Variants in SLC44A4 observed in about 807,000 individuals in gnomAD.
SLC44A4 encodes the protein choline transporter-like protein 4.
In SLC44A4, 74 loss-of-function variants were observed where a neutral mutation model predicts 97.0. That is an observed-to-expected ratio of 0.76 (90% CI 0.63 to 0.93). SLC44A4 has a LOEUF of 0.93. Among genes scored for constraint, SLC44A4 ranks in the 40% least tolerant of loss-of-function variants. The probability of loss-of-function intolerance (pLI) is 0.00; values close to 1 mark genes in which losing one functional copy is unlikely to be tolerated. For synonymous variants in SLC44A4, 325 were observed against 363.8 expected, an observed-to-expected ratio of 0.89 and a Z score of 1.21; for missense variants, 799 against 902.9, an observed-to-expected ratio of 0.88 and a Z score of 1.48.
chr6:31,875,079 G>T, intron 4 of SLC44A4, 51 bp from the exon 5 acceptor site: 1 of 1,456,496 alleles, frequency 6.9e-7, no homozygotes, highest in East Asian at 2.3e-5. Context: ...GGTGTTGGGG[G>T]AGGGGAGGGA....
intron 9 of SLC44A4, 115 bp from the exon 10 acceptor site, chr6:31,871,162 T>C: frequency 7.9e-7 from 1 of 1,267,630 alleles, no homozygotes; most frequent in Non-Finnish European, 1.1e-6. Context: ...TAGGCCTCTT[T>C]CCCTTATAAA....
chr6:31,866,196 T>C, intron 13 of SLC44A4, 70 bp from the exon 14 acceptor site: 1 of 1,558,480 alleles, frequency 6.4e-7, no homozygotes, highest in Non-Finnish European at 8.7e-7. Context: ...GGGCGTCCCA[T>C]TCCCAGTAGC....
At chr6:31,866,515 GTTC>G (rs978516194) in intron 13 of SLC44A4, among the ~76,000 whole-genome samples, 7 of 152,176 alleles carry the variant, frequency 4.6e-5, no homozygotes, top group African/African-American at 1.7e-4. Flanking sequence ...CTTTTAAACA[GTTC>G]TTATCTGTTG....
chr6:31,873,259 T>A (rs574307841), intron 7 of SLC44A4, among the ~76,000 whole-genome samples: 1 of 151,590 alleles, frequency 6.6e-6, no homozygotes, highest in Non-Finnish European at 1.5e-5. Flanking sequence ...CAAAGCTCAC[T>A]GCAACCTCTG....
At chr6:31,872,884 A>AT (rs1562453675) in intron 7 of SLC44A4, among the ~76,000 whole-genome samples, 5 of 135,206 alleles carry the variant, frequency 3.7e-5, no homozygotes, top group African/African-American at 1.1e-4. Context: ...TAAATTGTCT[A>AT]ATTTTTTTTT....
In SLC44A4 at chr6:31,863,531, CTTT is replaced by C. The variant is rs550919132; in HGVS notation, c.*93_*95del. 1 of 1,494,500 alleles carries C rather than the reference CTTT, an allele frequency of 6.7e-7. No individual in the cohort carries two copies. The highest frequency in any genetic ancestry group is 1.4e-5 in the African/African-American group (1 of 69,788). The allele number at this position is 1,494,500 out of a possible 1,614,324, so 92.6% of individuals were successfully genotyped here. On this transcript the variant is annotated 3_prime_UTR_variant, in exon 21 of 21. Transcript: ENST00000229729. ...TGAGCCACGGCGCCTGGCCTAAAAC[CTTT>C]TTTTACCACAAAATGGAGACCTGTA...
rs372243347 is a variant in SLC44A4, at chr6:31,868,181, C to T, written c.1233+974G>A. Among the ~76,000 whole-genome samples, 75 of 152,216 alleles carry T rather than the reference C, an allele frequency of 4.9e-4. 2 individuals carry two copies. The South Asian group carries it at 0.013, about 26-fold the overall frequency. On this transcript the variant is annotated intron_variant, in intron 13 of 20. Transcript: ENST00000229729. ...GCACAGCTCATGTTCCCAGCTCAGA[C>T]GAGGTGAAGATATGACAGGTTTGAG...
chr6:31,878,985 C>T lies in SLC44A4; in HGVS notation c.-5G>A. 1 of 1,613,474 alleles carries T rather than the reference C, an allele frequency of 6.2e-7. No individual in the cohort carries two copies. Among genetic ancestry groups the T allele is most frequent in the Non-Finnish European group, 8.5e-7 (1 of 1,179,902 alleles). ...GTCCCGCTGCTTTCCCCCCATGGCTCAGTCTCCGGAGTGATTGGAGCCCTG... is the reference window on the plus strand; with the variant it reads ...GTCCCGCTGCTTTCCCCCCATGGCTTAGTCTCCGGAGTGATTGGAGCCCTG... On this transcript the variant is annotated 5_prime_UTR_variant, in exon 1 of 21. Transcript: ENST00000229729. This position sits in a 1 kb window ranked among gnomAD's most constrained non-coding sequence, Gnocchi z 4.0.
chr6:31,875,242 A>G (rs541539910), intron 4 of SLC44A4, among the ~76,000 whole-genome samples: 23 of 152,274 alleles, frequency 1.5e-4, no homozygotes, highest in African/African-American at 5.3e-4. Flanking sequence ...GCTGACAAAT[A>G]GCTCAGAGCA....
At chr6:31,864,462 G>A (rs1238898333) in intron 20 of SLC44A4, 190 bp downstream of exon 20, 10 of 611,814 alleles carry the variant, frequency 1.6e-5, no homozygotes, top group Admixed American at 5.8e-5. Context: ...AGAGCCTACC[G>A]GCCTGGGGGC....
chr6:31,870,186 G>A (rs577272), intron 11 of SLC44A4, among the ~76,000 whole-genome samples: 91,029 of 151,998 alleles, frequency 0.6, 27,836 homozygotes, highest in Middle Eastern at 0.78. Flanking sequence ...AGAGGAAACT[G>A]GGGTCACAGA....
chr6:31,874,971 G>C lies in SLC44A4; in HGVS notation c.300C>G (p.Ile100Met). The stretch of plus-strand genomic sequence containing the variant: ...GTAGGCCGTTCTCAGCAACTGAGAT[G>C]ATGTTGCTGGACAGGATGCAGCTGA... ...NIFSCILSSN[I>M]ISVAENGLQC... is the part of the protein sequence containing the mutation. The change falls in exon 5 of 21, where the codon ATC (isoleucine) becomes ATG (methionine). Residue 100 changes from isoleucine to methionine, a missense_variant. Physicochemically the swap from Ile to Met is conservative, Grantham distance 10. Around this residue, in one of 3 missense-constraint regions of SLC44A4, gnomAD observed 409 missense variants for 434.1 expected, o/e 0.94. Transcript: ENST00000229729. This position sits in a 1 kb window ranked among gnomAD's most constrained non-coding sequence, Gnocchi z 4.8. 1 of 1,613,558 alleles carries C rather than the reference G, an allele frequency of 6.2e-7. No individual in the cohort carries two copies. The highest frequency in any genetic ancestry group is 1.1e-5 in the South Asian group (1 of 91,068).
At position 31,865,230 on chromosome 6, in the gene SLC44A4, C is replaced by A; in HGVS notation, c.1760+85G>T. 1 of 1,558,892 alleles carries A rather than the reference C, an allele frequency of 6.4e-7. No homozygotes were observed. Among genetic ancestry groups the A allele is most frequent in the South Asian group, 1.1e-5 (1 of 89,930 alleles). The stretch of plus-strand genomic sequence containing the variant: ...AGAGCACTAAACTAAGTCTAGGGCC[C>A]GACTGAGCACAGCACACCCACGAAG... On this transcript the variant is annotated intron_variant, in intron 17 of 20. Coordinates refer to ENST00000229729, the MANE Select transcript of SLC44A4 (RefSeq NM_025257.3). The surrounding 1 kb of genome is among the most constrained non-coding windows in gnomAD (Gnocchi z 5.2).
In SLC44A4 at chr6:31,874,899, C is replaced by G; in HGVS notation, c.342+30G>C. ...TGGAACCTGAGACCCTGGGTGAGATCTGGGGTAGAGGCAGGTCCCAGGCTC... is the reference window on the plus strand; with the variant it reads ...TGGAACCTGAGACCCTGGGTGAGATGTGGGGTAGAGGCAGGTCCCAGGCTC... On this transcript the variant is annotated intron_variant, in intron 5 of 20. Coordinates refer to ENST00000229729, the MANE Select transcript of SLC44A4 (RefSeq NM_025257.3). The surrounding 1 kb of genome is among the most constrained non-coding windows in gnomAD (Gnocchi z 4.8). 6.2e-7 allele frequency: 1 copy of G among 1,613,714 alleles called. No homozygotes were observed. The highest frequency in any genetic ancestry group is 1.3e-5 in the African/African-American group (1 of 74,982).
intron 20 of SLC44A4, 128 bp downstream of exon 20, chr6:31,864,524 C>A: frequency 2.4e-6 from 2 of 850,152 alleles, no homozygotes; most frequent in Non-Finnish European, 3.8e-6. Context: ...TCACAAGAAG[C>A]TCCCTCTGGT....
rs571520262 is a variant in SLC44A4, at chr6:31,877,468, C to G, written c.41-386G>C. 1 of 416,506 alleles carries G rather than the reference C, an allele frequency of 2.4e-6. No homozygotes were observed. The highest frequency in any genetic ancestry group is 2.1e-5 in the African/African-American group (1 of 48,180). The allele number at this position is 416,506 out of a possible 1,614,324, so 25.8% of individuals were successfully genotyped here. ...TCTCACTCCCTCATTCTCATCCCTG[C>G]CTCCTCCCTAATCCCTCCCCAGGGA... On this transcript the variant is annotated intron_variant, in intron 1 of 20. Transcript: ENST00000229729. This position sits in a 1 kb window ranked among gnomAD's most constrained non-coding sequence, Gnocchi z 6.5.
At position 31,867,822 on chromosome 6, in the gene SLC44A4, A is replaced by G. The variant is rs546173320; in HGVS notation, c.1233+1333T>C. On this transcript the variant is annotated intron_variant, in intron 13 of 20. Transcript: ENST00000229729. ...GTGGGTCCTCTGTACATGTAAATAA[A>G]CCTTTTTTTTTTTTTTTTGAGACGG... Among the ~76,000 whole-genome samples the G allele has an allele frequency of 1.3e-3, 171 of 131,864 alleles. 2 individuals carry two copies. Among genetic ancestry groups the G allele is most frequent in the Middle Eastern group, 7.7e-3 (2 of 260 alleles). 86.5% of individuals were successfully genotyped at this position (131,864 alleles called of 152,430 possible). A position where few individuals can be genotyped will look rare whatever the true frequency, so the allele number is the denominator to read the frequency against.
At chr6:31,866,798 G>A (rs1762895484) in intron 13 of SLC44A4, among the ~76,000 whole-genome samples, 1 of 151,900 alleles carries the variant, frequency 6.6e-6, no homozygotes, top group Non-Finnish European at 1.5e-5. Context: ...GGAGGCTGAG[G>A]CAGGATAATT....
chr6:31,864,396 C>G (rs1223683281), intron 20 of SLC44A4: 3 of 578,270 alleles, frequency 5.2e-6, no homozygotes, highest in Admixed American at 3.0e-5. Flanking sequence ...AACTTCTACC[C>G]GAGATTTCTT....
Sources: gnomAD v4.1 joint callset for allele counts (sites outside exome capture counted in the v4.1 genomes callset) on GRCh38, gnomAD v4.1.1 for gene constraint, gnomAD v4.1.1 regional missense constraint, Gnocchi (gnomAD v3.1) non-coding constraint, MANE v1.5 for transcripts, NCBI Gene and HGNC (gene_info 2026-07-23, HGNC 2026-07-21) for gene names.